The following MYO1D variants were observed in gnomAD, a reference collection of about 807,000 sequenced individuals.
The protein encoded by MYO1D is unconventional myosin-Id.
MYO1D carries 83 observed loss-of-function variants against 122.0 expected under a neutral mutation model. The ratio of observed to expected loss-of-function variants is 0.68; its 90% confidence interval spans 0.57 to 0.82. The LOEUF (loss-of-function observed/expected upper bound fraction) is 0.82. Among genes scored for constraint, MYO1D ranks in the 40% least tolerant of loss-of-function variants. The pLI, the probability that MYO1D is intolerant of heterozygous loss-of-function variation, is 0.00. For missense variants in MYO1D, 1,157 were observed against 1,269.5 expected, an observed-to-expected ratio of 0.91 and a Z score of 1.35; for synonymous variants, 464 against 446.9, an observed-to-expected ratio of 1.04 and a Z score of -0.48.
At chr17:32,748,856 C>A in intron 12 of MYO1D, 80 bp downstream of exon 12, 1 of 1,303,722 alleles carries the variant, frequency 7.7e-7, no homozygotes, top group South Asian at 1.2e-5. Flanking sequence ...AATATAAAAC[C>A]AATTTACATT....
chr17:32,639,134 T>A (rs963211030), intron 19 of MYO1D, among the ~76,000 whole-genome samples: 20 of 151,946 alleles, frequency 1.3e-4, no homozygotes, highest in Admixed American at 5.2e-4. Flanking sequence ...ACTTTGAAAA[T>A]CATATATCTA....
intron 21 of MYO1D, among the ~76,000 whole-genome samples, chr17:32,563,334 T>C (rs2087144355): frequency 6.6e-6 from 1 of 151,092 alleles, no homozygotes; most frequent in African/African-American, 2.4e-5. Context: ...CTCAGCCTCC[T>C]GAGTAGCTGG....
chr17:32,706,169 A>G (rs1479728596), intron 16 of MYO1D, among the ~76,000 whole-genome samples: 1 of 152,124 alleles, frequency 6.6e-6, no homozygotes, highest in Admixed American at 6.5e-5. Flanking sequence ...GTGCAGTGGC[A>G]CAATCTCAGG....
intron 15 of MYO1D, among the ~76,000 whole-genome samples, chr17:32,713,687 G>A (rs1034915134): frequency 3.7e-4 from 56 of 152,102 alleles, no homozygotes; most frequent in African/African-American, 1.3e-3. Flanking sequence ...GAGTGCAGTG[G>A]TGCGATCTCA....
intron 16 of MYO1D, among the ~76,000 whole-genome samples, chr17:32,689,852 G>A: frequency 6.6e-6 from 1 of 151,458 alleles, no homozygotes; most frequent in Admixed American, 6.6e-5. Context: ...CCGAGTAGCT[G>A]GGATTACATG....
intron 21 of MYO1D, among the ~76,000 whole-genome samples, chr17:32,543,225 CA>C (rs11410173): frequency 7.4e-5 from 11 of 147,924 alleles, no homozygotes; most frequent in Non-Finnish European, 1.0e-4. Flanking sequence ...GACTCTGTCT[CA>C]AAAAAAAATG....
At chr17:32,734,008 A>G (rs1274672471) in intron 14 of MYO1D, among the ~76,000 whole-genome samples, 1 of 152,202 alleles carries the variant, frequency 6.6e-6, no homozygotes, top group Middle Eastern at 3.2e-3. Flanking sequence ...AGGTAATATT[A>G]ATCTCATTAA....
At chr17:32,785,991 A>C (rs953989140) in intron 1 of MYO1D, among the ~76,000 whole-genome samples, 1 of 152,322 alleles carries the variant, frequency 6.6e-6, no homozygotes. Context: ...TCTGAACCAC[A>C]ATCTAGGAAG....
intron 21 of MYO1D, among the ~76,000 whole-genome samples, chr17:32,506,071 T>C (rs1711900738): frequency 6.6e-6 from 1 of 152,032 alleles, no homozygotes; most frequent in Non-Finnish European, 1.5e-5. Context: ...AGAAATTAAA[T>C]AAGACAAGAC....
At chr17:32,602,507 C>G (rs1359187400) in intron 21 of MYO1D, 2 of 152,080 alleles carry the variant, frequency 1.3e-5, no homozygotes, top group Non-Finnish European at 2.9e-5. Flanking sequence ...GCCAATTATT[C>G]CCCCCTACTG....
chr17:32,662,829 A>G (rs541336472), intron 16 of MYO1D, among the ~76,000 whole-genome samples: 2 of 152,232 alleles, frequency 1.3e-5, no homozygotes, highest in Admixed American at 6.5e-5. Flanking sequence ...GTGCCTGGTG[A>G]GTAGTCAGTG....
chr17:32,832,119 T>TC (rs1052307794), intron 1 of MYO1D, among the ~76,000 whole-genome samples: 2 of 151,492 alleles, frequency 1.3e-5, no homozygotes, highest in Non-Finnish European at 2.9e-5. Flanking sequence ...TTTCTTTCTT[T>TC]CTTTTTTTTT....
intron 1 of MYO1D, among the ~76,000 whole-genome samples, chr17:32,865,255 G>C (rs2091113842): frequency 6.6e-6 from 1 of 152,174 alleles, no homozygotes; most frequent in African/African-American, 2.4e-5. Flanking sequence ...GTCTGAGATA[G>C]AACCATTTGG....
chr17:32,800,051 C>T (rs1041295434), intron 1 of MYO1D, among the ~76,000 whole-genome samples: 5 of 151,980 alleles, frequency 3.3e-5, no homozygotes, highest in South Asian at 2.1e-4. Context: ...GTGTTAGAGA[C>T]GATGTGGAGA....
intron 1 of MYO1D, among the ~76,000 whole-genome samples, chr17:32,849,196 A>C (rs2090963596): frequency 6.6e-6 from 1 of 151,084 alleles, no homozygotes; most frequent in African/African-American, 2.5e-5. Flanking sequence ...GAGAAATAGG[A>C]ACACTTTTAC....
intron 20 of MYO1D, among the ~76,000 whole-genome samples, chr17:32,614,961 C>A (rs141061650): frequency 3.3e-3 from 499 of 152,318 alleles, no homozygotes; most frequent in African/African-American, 0.011. Context: ...ACCAAGTAAC[C>A]CCCACCTTCG....
At chr17:32,652,639 G>C (rs1048959440) in intron 19 of MYO1D, among the ~76,000 whole-genome samples, 1 of 150,324 alleles carries the variant, frequency 6.7e-6, no homozygotes, top group Non-Finnish European at 1.5e-5. Context: ...TTTTTTTTAA[G>C]ACTAGCTACG....
chr17:32,551,830 T>G (rs2150884630), intron 21 of MYO1D, among the ~76,000 whole-genome samples: 1 of 152,338 alleles, frequency 6.6e-6, no homozygotes, highest in African/African-American at 2.4e-5. Context: ...CCTGGCACAT[T>G]GTTGGTACTC....
chr17:32,649,344 A>G (rs1227134443), intron 19 of MYO1D, among the ~76,000 whole-genome samples: 1 of 152,158 alleles, frequency 6.6e-6, no homozygotes, highest in Non-Finnish European at 1.5e-5. Flanking sequence ...CCATTAAACA[A>G]TAACTCCCCA....
Sources: allele counts gnomAD v4.1 joint callset (sites outside exome capture counted in the v4.1 genomes callset), GRCh38; gene constraint gnomAD v4.1.1; transcripts MANE v1.5; gene names NCBI Gene and HGNC (gene_info 2026-07-23, HGNC 2026-07-21).